TCF12: variants seen among roughly 807,000 people sequenced by gnomAD.
TCF12 encodes transcription factor 12.
A neutral mutation model predicts 86.0 loss-of-function variants in TCF12; 45 were observed. The observed-to-expected ratio is 0.52, with a 90% CI of 0.41 to 0.67. The LOEUF (loss-of-function observed/expected upper bound fraction) is 0.67. Ranked by LOEUF, TCF12 falls within the 30% of genes least tolerant of loss-of-function variation. TCF12 has a pLI of 0.00. For synonymous variants in TCF12, 330 were observed against 299.6 expected (o/e 1.10, Z -1.05); for missense variants, 881 against 859.9 (o/e 1.02, Z -0.31).
intron 6 of TCF12, among the ~76,000 whole-genome samples, chr15:57,175,882 A>G (rs567630451): frequency 6.6e-6 from 1 of 152,260 alleles, no homozygotes; most frequent in East Asian, 1.9e-4. Context: ...GCTTAATTTT[A>G]AAAAGAAATG....
chr15:56,983,775 A>G (rs2063010963), intron 3 of TCF12, among the ~76,000 whole-genome samples: 1 of 151,890 alleles, frequency 6.6e-6, no homozygotes, highest in South Asian at 2.1e-4. Context: ...CCAAGGCAGG[A>G]GGATCAGTTG....
At chr15:57,052,203 T>C (rs570815534) in intron 3 of TCF12, among the ~76,000 whole-genome samples, 1 of 152,362 alleles carries the variant, frequency 6.6e-6, no homozygotes, top group East Asian at 1.9e-4. Flanking sequence ...AACAGTGTGC[T>C]AATATCAGGG....
intron 18 of TCF12, among the ~76,000 whole-genome samples, chr15:57,269,825 G>A (rs1278232551): frequency 6.6e-6 from 1 of 152,088 alleles, no homozygotes; most frequent in Non-Finnish European, 1.5e-5. Flanking sequence ...AACTTAGTTT[G>A]GCTGGATATG....
intron 6 of TCF12, among the ~76,000 whole-genome samples, chr15:57,170,751 AT>A (rs1380426458): frequency 1.8e-4 from 8 of 44,076 alleles, no homozygotes; most frequent in African/African-American, 5.7e-4. Context: ...TATATTATAT[AT>A]TATATATTAT....
At chr15:57,035,572 A>C (rs2066459337) in intron 3 of TCF12, among the ~76,000 whole-genome samples, 1 of 152,166 alleles carries the variant, frequency 6.6e-6, no homozygotes, top group Non-Finnish European at 1.5e-5. Context: ...CCAGCCTCTG[A>C]AACAATAATT....
At position 57,138,274 on chromosome 15, in the gene TCF12, A is replaced by T. The variant is rs112186413; in HGVS notation, c.326-28128A>T. Reference sequence around the variant, plus strand: ...CGTTAACTAAAGATTTCTGTTTTTCATGTTTTTTCATTTAACACTGCTTCT... The same window carrying T: ...CGTTAACTAAAGATTTCTGTTTTTCTTGTTTTTTCATTTAACACTGCTTCT... On this transcript the variant is annotated intron_variant, in intron 5 of 20. Coordinates refer to ENST00000333725, the MANE Select transcript of TCF12 (RefSeq NM_207037.2). Among the ~76,000 whole-genome samples, 484 of 152,262 alleles carry T rather than the reference A, an allele frequency of 3.2e-3. 1 individual carries two copies. The highest frequency in any genetic ancestry group is 0.011 in the African/African-American group (465 of 41,554).
intron 13 of TCF12, 33 bp downstream of exon 13, chr15:57,243,583 G>A: frequency 6.6e-7 from 1 of 1,504,818 alleles, no homozygotes; most frequent in Non-Finnish European, 9.1e-7. Context: ...TCTAACTGGT[G>A]GGACTACTTG....
intron 3 of TCF12, 119 bp from the exon 4 acceptor site, chr15:57,063,613 TCTGAAGCAAGGATTGATA>T (rs1195620572): frequency 1.8e-6 from 1 of 545,808 alleles, no homozygotes; most frequent in Non-Finnish European, 3.2e-6. Flanking sequence ...TTTACAGGTT[TCTGAAGCAAGGATTGATA>T]CTTAGCTCTT....
intron 18 of TCF12, among the ~76,000 whole-genome samples, chr15:57,269,319 C>G (rs1430237982): frequency 8.0e-6 from 1 of 124,878 alleles, no homozygotes; most frequent in African/African-American, 3.1e-5. Context: ...GGTTGAAAGT[C>G]TGTTTTATCA....
At chr15:57,248,895 A>G (rs1207128418) in intron 13 of TCF12, among the ~76,000 whole-genome samples, 1 of 152,234 alleles carries the variant, frequency 6.6e-6, no homozygotes, top group African/African-American at 2.4e-5. Context: ...ACAATCTCAA[A>G]AACAGCCTGT....
intron 3 of TCF12, among the ~76,000 whole-genome samples, chr15:57,054,612 G>C (rs2067861396): frequency 6.6e-6 from 1 of 152,076 alleles, no homozygotes; most frequent in Admixed American, 6.6e-5. Flanking sequence ...TTCTTTCCCA[G>C]ACAGAAGTGG....
chr15:56,936,410 T>A (rs1383597034), intron 3 of TCF12, among the ~76,000 whole-genome samples: 3 of 152,152 alleles, frequency 2.0e-5, no homozygotes, highest in Non-Finnish European at 1.5e-5. Context: ...ATTGAGATGA[T>A]TTTCTTGCAC....
chr15:56,992,108 GA>G (rs1205593221), intron 3 of TCF12, among the ~76,000 whole-genome samples: 1,677 of 140,290 alleles, frequency 0.012, 34 homozygotes, highest in African/African-American at 0.041. Flanking sequence ...AAGCCAAAAA[GA>G]AAAAAAAAAA....
intron 5 of TCF12, among the ~76,000 whole-genome samples, chr15:57,140,821 C>T (rs2052910113): frequency 6.6e-6 from 1 of 152,120 alleles, no homozygotes; most frequent in Non-Finnish European, 1.5e-5. Flanking sequence ...TCTTACTCTG[C>T]AATTTGATTT....
At chr15:57,040,721 C>T (rs917269869) in intron 3 of TCF12, among the ~76,000 whole-genome samples, 20 of 152,120 alleles carry the variant, frequency 1.3e-4, no homozygotes, top group Admixed American at 3.9e-4. Context: ...AAAACAGTTT[C>T]GAGCCAATAT....
At chr15:57,168,326 C>G (rs2055054401) in intron 6 of TCF12, among the ~76,000 whole-genome samples, 1 of 152,144 alleles carries the variant, frequency 6.6e-6, no homozygotes, top group African/African-American at 2.4e-5. Flanking sequence ...AATATAAGTG[C>G]TTATTCAGAT....
intron 3 of TCF12, among the ~76,000 whole-genome samples, chr15:57,005,768 C>T (rs900709616): frequency 2.0e-5 from 3 of 152,074 alleles, no homozygotes; most frequent in South Asian, 2.1e-4. Context: ...CAGGGTCTCA[C>T]TATGCTGCCC....
chr15:57,009,804 A>G (rs1456443540), intron 3 of TCF12, among the ~76,000 whole-genome samples: 1 of 152,232 alleles, frequency 6.6e-6, no homozygotes, highest in Admixed American at 6.5e-5. Context: ...GATGGCTCAT[A>G]TACTTAACCC....
rs1490810739 is a variant in TCF12 at position 57,252,420 on chromosome 15, G to GA, written c.1193dup (p.Asn398LysfsTer4). ...CTCCTGTTCTGTCTTGACTTTGCCA[G>GA]AAAAATCGAGTTGAGCAGCAACTTC... On this transcript the variant is annotated frameshift_variant and splice_region_variant. Transcript: ENST00000333725. LOFTEE classifies it high-confidence loss of function. The GA allele has an allele frequency of 1.2e-6, 2 of 1,613,692 alleles. No homozygotes were observed. The highest frequency in any genetic ancestry group is 2.2e-5 in the East Asian group (1 of 44,814).
Sources: gnomAD v4.1 joint callset for allele counts (sites outside exome capture counted in the v4.1 genomes callset) on GRCh38, gnomAD v4.1.1 for gene constraint, MANE v1.5 for transcripts, NCBI Gene and HGNC (gene_info 2026-07-23, HGNC 2026-07-21) for gene names.